COL19A1: variants seen among roughly 807,000 people sequenced by gnomAD.
COL19A1 encodes collagen type XIX alpha 1 chain, also known as collagen alpha-1(XIX) chain.
In COL19A1, 159 loss-of-function variants were observed where a neutral mutation model predicts 190.2. The observed-to-expected ratio is 0.84, with a 90% CI of 0.73 to 0.95. The LOEUF is 0.95. Ranked by LOEUF, COL19A1 falls within the 40% of genes least tolerant of loss-of-function variation. COL19A1 has a pLI of 0.00. For synonymous variants in COL19A1, 509 were observed against 458.9 expected, an observed-to-expected ratio of 1.11 and a Z score of -1.39; for missense variants, 1,418 against 1,431.9, an observed-to-expected ratio of 0.99 and a Z score of 0.16.
chr6:70,163,288 C>T (rs768830964), intron 35 of COL19A1, 55 bp from the exon 36 acceptor site: 11 of 1,520,878 alleles, frequency 7.2e-6, no homozygotes, highest in Admixed American at 6.9e-5. Context: ...ACTTCCAATA[C>T]CCTTTGGCCA....
intron 15 of COL19A1, among the ~76,000 whole-genome samples, chr6:70,071,282 T>C (rs561954775): frequency 2.0e-5 from 3 of 152,042 alleles, no homozygotes; most frequent in African/African-American, 7.2e-5. Context: ...CTCTAACTCT[T>C]TGTGTAGTTT....
Position 69,877,522 on chromosome 6 carries a change from A to C in COL19A1, c.-32-2014A>C, listed in dbSNP as rs551905295. On this transcript the variant is annotated intron_variant, in intron 1 of 50. Transcript: ENST00000620364. ...ATTACTTTTCACATGTGCAGTAATC[A>C]CTTCAGTAACAGTGATTATTCAATC... Among the ~76,000 whole-genome samples the C allele has an allele frequency of 7.9e-5, 12 of 152,316 alleles. No individual in the cohort carries two copies. In the East Asian group the frequency reaches 2.3e-3, roughly 29 times the overall value.
At chr6:70,192,940 G>A (rs1477041112) in intron 48 of COL19A1, among the ~76,000 whole-genome samples, 2 of 152,062 alleles carry the variant, frequency 1.3e-5, no homozygotes, top group African/African-American at 4.8e-5. Flanking sequence ...AATCCCTATG[G>A]GCTGTAGTGT....
At chr6:70,025,993 A>C (rs1013065952) in intron 12 of COL19A1, among the ~76,000 whole-genome samples, 1 of 152,194 alleles carries the variant, frequency 6.6e-6, no homozygotes, top group African/African-American at 2.4e-5. Flanking sequence ...AAACAGATTA[A>C]TTACAGTGTT....
chr6:70,180,737 T>C (rs1050857260), intron 44 of COL19A1, among the ~76,000 whole-genome samples: 1 of 152,182 alleles, frequency 6.6e-6, no homozygotes, highest in Non-Finnish European at 1.5e-5. Context: ...GTGTTGAAAA[T>C]GGTGAGAGTT....
At chr6:70,179,047 A>G (rs749035305) in intron 42 of COL19A1, among the ~76,000 whole-genome samples, 2 of 152,098 alleles carry the variant, frequency 1.3e-5, no homozygotes, top group Non-Finnish European at 2.9e-5. Flanking sequence ...ATGTCCCACA[A>G]TAAGACCCTT....
rs1449167313 is a variant in COL19A1 at position 69,996,556 on chromosome 6, TTAAC to T, written c.1027-27067_1027-27064del. Among the ~76,000 whole-genome samples, 9 of 152,176 alleles carry T rather than the reference TTAAC, an allele frequency of 5.9e-5. No homozygotes were observed. The East Asian group carries it at 1.2e-3, about 19-fold the overall frequency. On this transcript the variant is annotated intron_variant, in intron 11 of 50. Coordinates refer to ENST00000620364, the MANE Select transcript of COL19A1 (RefSeq NM_001858.6). ...AGTTATATTTTGTAACTTCCTTTGT[TTAAC>T]TAATTTATATAGGCAGGTTAGTAGT...
In COL19A1 at chr6:70,207,276, C is replaced by T. The variant is rs1767945440; in HGVS notation, c.*2C>T. Reference sequence around the variant, plus strand: ...CATCAGCGCACAGGTGGGAATTGAACACACCTGAAGAAGACTTGGTTCCTG... The same window carrying T: ...CATCAGCGCACAGGTGGGAATTGAATACACCTGAAGAAGACTTGGTTCCTG... On this transcript the variant is annotated 3_prime_UTR_variant, in exon 51 of 51. Coordinates refer to ENST00000620364, the MANE Select transcript of COL19A1 (RefSeq NM_001858.6). 4 of 1,599,826 alleles carry T rather than the reference C, an allele frequency of 2.5e-6. No homozygotes were observed. In the East Asian group the frequency reaches 9.1e-5, roughly 36 times the overall value.
chr6:69,928,919 C>G (rs1217625322), intron 5 of COL19A1, among the ~76,000 whole-genome samples: 2 of 152,018 alleles, frequency 1.3e-5, no homozygotes, highest in Non-Finnish European at 2.9e-5. Context: ...AGAGTATGTC[C>G]TCTATAAAAT....
chr6:69,899,514 T>A (rs1213223412), intron 3 of COL19A1, among the ~76,000 whole-genome samples: 1 of 152,072 alleles, frequency 6.6e-6, no homozygotes, highest in Non-Finnish European at 1.5e-5. Flanking sequence ...ATATGTTTAA[T>A]CTGTGATCAA....
intron 11 of COL19A1, among the ~76,000 whole-genome samples, chr6:70,010,063 G>C (rs1447489857): frequency 6.6e-6 from 1 of 152,130 alleles, no homozygotes; most frequent in Non-Finnish European, 1.5e-5. Context: ...ACACTAAAAA[G>C]TCAATCAATG....
At chr6:70,026,845 T>C (rs1271117310) in intron 12 of COL19A1, among the ~76,000 whole-genome samples, 1 of 152,212 alleles carries the variant, frequency 6.6e-6, no homozygotes, top group Non-Finnish European at 1.5e-5. Flanking sequence ...GCAACTTTCT[T>C]TTTTAAAATA....
rs557538185 is a variant in COL19A1, at chr6:69,964,154, T to C, written c.1026+1284T>C. Among the ~76,000 whole-genome samples, 160 of 152,324 alleles carry C rather than the reference T, an allele frequency of 1.1e-3. 1 individual carries two copies. Among genetic ancestry groups the C allele is most frequent in the African/African-American group, 3.1e-3 (129 of 41,580 alleles). On this transcript the variant is annotated intron_variant, in intron 11 of 50. Coordinates refer to ENST00000620364, the MANE Select transcript of COL19A1 (RefSeq NM_001858.6). ...ATCAGTTGTTTGCTTTTTCAATAAGTATTTATAGAGAGAATGAGCATCTAT... is the reference window on the plus strand; with the variant it reads ...ATCAGTTGTTTGCTTTTTCAATAAGCATTTATAGAGAGAATGAGCATCTAT...
In COL19A1 at chr6:70,141,113, C is replaced by T. The variant is rs544287687; in HGVS notation, c.1482+124C>T. ...TTAAATAAGGTCCATGAGCATTTTACTTTTTCCTCTGTGATTTTTAACTCT... is the reference window on the plus strand; with the variant it reads ...TTAAATAAGGTCCATGAGCATTTTATTTTTTCCTCTGTGATTTTTAACTCT... On this transcript the variant is annotated intron_variant, in intron 20 of 50. Coordinates refer to ENST00000620364, the MANE Select transcript of COL19A1 (RefSeq NM_001858.6). 21 of 817,030 alleles carry T rather than the reference C, an allele frequency of 2.6e-5. No individual in the cohort carries two copies. In the African/African-American group the frequency reaches 3.5e-4, roughly 14 times the overall value. The allele number at this position is 817,030 out of a possible 1,614,324, so 50.6% of individuals were successfully genotyped here. A position where few individuals can be genotyped will look rare whatever the true frequency, so the allele number is the denominator to read the frequency against.
intron 14 of COL19A1, among the ~76,000 whole-genome samples, chr6:70,048,093 T>C (rs943833039): frequency 1.3e-5 from 2 of 152,110 alleles, no homozygotes; most frequent in African/African-American, 4.8e-5. Flanking sequence ...TACTAAATGA[T>C]ACTTAAATAC....
intron 4 of COL19A1, among the ~76,000 whole-genome samples, chr6:69,916,174 G>A (rs541105696): frequency 1.1e-3 from 173 of 152,152 alleles, no homozygotes; most frequent in African/African-American, 4.0e-3. Context: ...CTGACCTTGT[G>A]ATCTGCCCGC....
chr6:70,054,262 AT>A (rs1412497632), intron 14 of COL19A1, among the ~76,000 whole-genome samples: 3 of 152,202 alleles, frequency 2.0e-5, no homozygotes, highest in Non-Finnish European at 4.4e-5. Flanking sequence ...AGGCAGGAGA[AT>A]CACTTGAACC....
chr6:70,110,209 C>G (rs992811011), intron 16 of COL19A1, among the ~76,000 whole-genome samples: 8 of 152,142 alleles, frequency 5.3e-5, no homozygotes, highest in African/African-American at 1.9e-4. Flanking sequence ...TGACTACATG[C>G]ATTTTGAAGC....
At chr6:70,054,181 CTCTACTAAAAA>C (rs1276485106) in intron 14 of COL19A1, among the ~76,000 whole-genome samples, 5 of 152,136 alleles carry the variant, frequency 3.3e-5, no homozygotes, top group African/African-American at 4.8e-5. Context: ...AAAACTCCGT[CTCTACTAAAAA>C]CACAAAATTT....
Sources: gnomAD v4.1 joint callset for allele counts (sites outside exome capture counted in the v4.1 genomes callset) on GRCh38, gnomAD v4.1.1 for gene constraint, MANE v1.5 for transcripts, NCBI Gene and HGNC (gene_info 2026-07-23, HGNC 2026-07-21) for gene names.